Variants in SLC7A2 observed in about 807,000 individuals in gnomAD.
The protein encoded by SLC7A2 is cationic amino acid transporter 2.
Under a neutral mutation model 58.9 loss-of-function variants are expected in SLC7A2, and 48 were observed. The ratio of observed to expected loss-of-function variants is 0.82; its 90% CI spans 0.65 to 1.04. The LOEUF (loss-of-function observed/expected upper bound fraction) is 1.04, where lower values mean the gene tolerates loss of function less well. Ranked by LOEUF, SLC7A2 falls within the 50% of genes least tolerant of loss-of-function variation. The pLI, the probability that SLC7A2 is intolerant of heterozygous loss-of-function variation, is 0.00. For missense variants in SLC7A2, 1,029 were observed against 818.8 expected, an observed-to-expected ratio of 1.26 and a Z score of -3.13; for synonymous variants, 363 against 314.5, an observed-to-expected ratio of 1.15 and a Z score of -1.63.
intron 11 of SLC7A2, among the ~76,000 whole-genome samples, chr8:17,563,053 G>A (rs1273357962): frequency 6.6e-6 from 1 of 152,158 alleles, no homozygotes; most frequent in Non-Finnish European, 1.5e-5. Flanking sequence ...TGAAGTGGGA[G>A]GATCACTGGA....
intron 2 of SLC7A2, among the ~76,000 whole-genome samples, chr8:17,535,213 C>T (rs1801613768): frequency 6.6e-6 from 1 of 152,160 alleles, no homozygotes; most frequent in Non-Finnish European, 1.5e-5. Context: ...CATCCCTAAG[C>T]TCTATGTGGA....
At chr8:17,500,337 A>G (rs1174131166) in intron 1 of SLC7A2, 1 of 152,230 alleles carries the variant, frequency 6.6e-6, no homozygotes, top group Admixed American at 6.5e-5. Flanking sequence ...ATTTGTCCGC[A>G]TTCCTCTTAT....
intron 2 of SLC7A2, among the ~76,000 whole-genome samples, chr8:17,510,087 G>A (rs1181048764): frequency 2.0e-5 from 3 of 152,068 alleles, no homozygotes; most frequent in Admixed American, 6.6e-5. Flanking sequence ...GGGCGTGATA[G>A]CAGGCGACTG....
chr8:17,507,855 G>A (rs1800435530), intron 2 of SLC7A2, among the ~76,000 whole-genome samples: 1 of 152,146 alleles, frequency 6.6e-6, no homozygotes, highest in Non-Finnish European at 1.5e-5. Context: ...AGTGGAAAAG[G>A]AAGTTTTTAG....
At chr8:17,554,977 A>C (rs779784893) in intron 8 of SLC7A2, 20 of 1,613,788 alleles carry the variant, frequency 1.2e-5, no homozygotes, top group South Asian at 1.2e-4. Context: ...TTTACCCCGA[A>C]TTCTGTTTGC....
chr8:17,557,859 C>T (rs1315341496), intron 8 of SLC7A2, among the ~76,000 whole-genome samples: 1 of 129,210 alleles, frequency 7.7e-6, no homozygotes, highest in African/African-American at 3.1e-5. Context: ...TTGTCTATAA[C>T]TCAGTGCATA....
chr8:17,543,394 A>G lies in SLC7A2; in HGVS notation c.55A>G (p.Ile19Val). 4 of 1,614,118 alleles carry G rather than the reference A, an allele frequency of 2.5e-6. No individual in the cohort carries two copies. Among genetic ancestry groups the G allele is most frequent in the South Asian group, 1.1e-5 (1 of 91,076 alleles). Residue 19 changes from isoleucine (I) to valine (V), a missense_variant, in exon 3 of 13, where the codon ATC becomes GTC. Physicochemically the swap from Ile to Val is conservative, Grantham distance 29 (BLOSUM62 3). Coordinates refer to ENST00000494857, the MANE Select transcript of SLC7A2 (RefSeq NM_001370338.1). ...TGCCCGATGTCTGATCCGGAGAAAA[A>G]TCGTGACCCTGGACAGTCTAGAAGA... Reference protein sequence around the residue: ...TFARCLIRRKIVTLDSLEDTK... With the variant: ...TFARCLIRRKVVTLDSLEDTK...
At chr8:17,522,269 C>G (rs1440651115) in intron 2 of SLC7A2, among the ~76,000 whole-genome samples, 3 of 152,114 alleles carry the variant, frequency 2.0e-5, no homozygotes, top group Admixed American at 6.5e-5. Flanking sequence ...TCTCGTGAGA[C>G]TTATTAACTA....
rs577453442 is a variant in SLC7A2 at position 17,539,738 on chromosome 8, A to G, written c.-22-3580A>G. Among the ~76,000 whole-genome samples the G allele has an allele frequency of 4.6e-4, 70 of 152,228 alleles. 1 individual carries two copies. Among genetic ancestry groups the G allele is most frequent in the African/African-American group, 1.5e-3 (63 of 41,532 alleles). On this transcript the variant is annotated intron_variant, in intron 2 of 12. Transcript: ENST00000494857. ...TTGGTCACAGTAGCAATAACTGACA[A>G]TGGTTACAATGGTGCAGATCATCTG...
chr8:17,552,585 AAT>A (rs1802504907), intron 7 of SLC7A2, among the ~76,000 whole-genome samples: 1 of 10,310 alleles, frequency 9.7e-5, no homozygotes, highest in Non-Finnish European at 3.0e-4. Flanking sequence ...AATTCATATA[AAT>A]ATGTGAAGGG....
At chr8:17,542,634 G>A (rs1052124792) in intron 2 of SLC7A2, among the ~76,000 whole-genome samples, 10 of 151,050 alleles carry the variant, frequency 6.6e-5, no homozygotes, top group Admixed American at 2.0e-4. Context: ...CTGGGTGACA[G>A]AGTGAGACCC....
intron 3 of SLC7A2, among the ~76,000 whole-genome samples, chr8:17,544,058 C>T (rs1475553752): frequency 1.3e-5 from 2 of 152,078 alleles, no homozygotes; most frequent in South Asian, 2.1e-4. Flanking sequence ...TTAGTAAAGA[C>T]GGGGTTTCAC....
At chr8:17,558,421 G>A in intron 9 of SLC7A2, 24 bp downstream of exon 9, 1 of 1,477,728 alleles carries the variant, frequency 6.8e-7, no homozygotes, top group South Asian at 1.1e-5. Context: ...TGGTTCTACA[G>A]GGTGTACCAT....
chr8:17,562,180 ATTTTTTTTTT>A lies in SLC7A2; in HGVS notation c.1671+96_1671+105del, dbSNP rs200130071. 3.5e-3 allele frequency: 2,079 copies of A among 592,922 alleles called. 1 individual carries two copies. Among genetic ancestry groups the A allele is most frequent in the South Asian group, 9.8e-3 (289 of 29,420 alleles). The allele number at this position is 592,922 out of a possible 1,614,324, so 36.7% of individuals were successfully genotyped here. A position where few individuals can be genotyped will look rare whatever the true frequency, so the allele number is the denominator to read the frequency against. On this transcript the variant is annotated intron_variant, in intron 11 of 12. Transcript: ENST00000494857. ...TCTCTGTATAATTAGTTTGGTAAGT[ATTTTTTTTTT>A]TTTTTTTTTTTTTTTTTTTTTTTTT...
chr8:17,545,639 C>G (rs930118592), intron 4 of SLC7A2, among the ~76,000 whole-genome samples: 1 of 151,868 alleles, frequency 6.6e-6, no homozygotes, highest in Non-Finnish European at 1.5e-5. Flanking sequence ...CTCAAGTGAT[C>G]CCCCTGCCTC....
At chr8:17,494,769 T>C (rs1799917799), upstream of SLC7A2, among the ~76,000 whole-genome samples, 1 of 152,220 alleles carries the variant, frequency 6.6e-6, no homozygotes, top group African/African-American at 2.4e-5. Context: ...ATCAATAATT[T>C]CAAACACGAA....
At chr8:17,509,445 A>G (rs1046138180) in intron 2 of SLC7A2, among the ~76,000 whole-genome samples, 1 of 151,874 alleles carries the variant, frequency 6.6e-6, no homozygotes, top group Admixed American at 6.6e-5. Context: ...AGCTGGGTTT[A>G]CAGGTGCCCA....
Position 17,532,248 on chromosome 8 carries a change from A to AAAC in SLC7A2, c.-22-11068_-22-11067insCAA, listed in dbSNP as rs1217515480. ...CTATCTCAAAAAAAAAAAAAAAAAA[A>AAAC]AAAAAAAAAAACCCCAGCAATTCTA... On this transcript the variant is annotated intron_variant, in intron 2 of 12. Coordinates refer to ENST00000494857, the MANE Select transcript of SLC7A2 (RefSeq NM_001370338.1). Among the ~76,000 whole-genome samples, 3 of 120,696 alleles carry AAAC rather than the reference A, an allele frequency of 2.5e-5. 1 individual carries two copies. Among genetic ancestry groups the AAAC allele is most frequent in the Non-Finnish European group, 5.4e-5 (3 of 55,562 alleles). The allele number at this position is 120,696 out of a possible 152,430, so 79.2% of individuals were successfully genotyped here.
intron 2 of SLC7A2, among the ~76,000 whole-genome samples, chr8:17,520,993 G>T (rs1800991989): frequency 6.6e-6 from 1 of 152,114 alleles, no homozygotes; most frequent in East Asian, 1.9e-4. Context: ...TTCAGGCTTA[G>T]TATTTTTTAG....
Sources: allele counts gnomAD v4.1 joint callset (sites outside exome capture counted in the v4.1 genomes callset), GRCh38; gene constraint gnomAD v4.1.1; transcripts MANE v1.5; gene names NCBI Gene and HGNC (gene_info 2026-07-23, HGNC 2026-07-21).